The following DHRS7B variants were observed in gnomAD, a reference collection of about 807,000 sequenced individuals.
DHRS7B encodes the protein dehydrogenase/reductase 7B.
Under a neutral mutation model 26.4 loss-of-function variants are expected in DHRS7B, and 24 were observed. That is an observed-to-expected ratio of 0.91 (90% CI 0.66 to 1.28). The LOEUF (loss-of-function observed/expected upper bound fraction) is 1.28, where lower values mean the gene tolerates loss of function less well. DHRS7B is among the 50% of genes most tolerant of loss of function. The pLI is 0.00. For missense variants in DHRS7B, 368 were observed against 419.4 expected (o/e 0.88, Z 1.07); for synonymous variants, 142 against 166.4 (o/e 0.85, Z 1.13).
intron 1 of DHRS7B, among the ~76,000 whole-genome samples, chr17:21,131,006 G>C (rs1377209300): frequency 6.6e-6 from 1 of 152,126 alleles, no homozygotes; most frequent in Non-Finnish European, 1.5e-5. Context: ...ATCTTCTAAA[G>C]TTCCCAGTAA....
intron 1 of DHRS7B, among the ~76,000 whole-genome samples, chr17:21,167,746 C>A (rs1483388335): frequency 3.3e-5 from 5 of 152,152 alleles, no homozygotes; most frequent in Non-Finnish European, 7.3e-5. Flanking sequence ...GATATTTTTT[C>A]CCAGTCCCTT....
Position 21,191,199 on chromosome 17 carries a change from CT to C in DHRS7B, c.*48del. On this transcript the variant is annotated 3_prime_UTR_variant, in exon 7 of 7. Coordinates refer to ENST00000395511, the MANE Select transcript of DHRS7B (RefSeq NM_015510.5). ...AGGGCAGAGAAGCAGCACTCTTAGG[CT>C]TGCTTACTCTACAAGGGACAGTTGC... 1 of 1,577,574 alleles carries C rather than the reference CT, an allele frequency of 6.3e-7. No individual in the cohort carries two copies. Among genetic ancestry groups the C allele is most frequent in the Non-Finnish European group, 8.7e-7 (1 of 1,149,356 alleles).
intron 1 of DHRS7B, among the ~76,000 whole-genome samples, chr17:21,154,941 AG>A (rs1973846936): frequency 6.6e-6 from 1 of 152,164 alleles, no homozygotes; most frequent in South Asian, 2.1e-4. Context: ...TGTAAACTCT[AG>A]GGCAACCACT....
intron 1 of DHRS7B, among the ~76,000 whole-genome samples, chr17:21,138,097 TATATAC>T (rs1567616105): frequency 2.7e-4 from 24 of 87,604 alleles, no homozygotes; most frequent in Admixed American, 6.7e-4. Context: ...TATATATATA[TATATAC>T]ACACACACAC....
chr17:21,187,114 A>ATATATATATATAT (rs1567631166), intron 5 of DHRS7B, among the ~76,000 whole-genome samples: 1 of 100,248 alleles, frequency 1.0e-5, no homozygotes, highest in African/African-American at 4.8e-5. Context: ...TATATATATA[A>ATATATATATATAT]AATATATAAA....
intron 1 of DHRS7B, among the ~76,000 whole-genome samples, chr17:21,165,916 CAAAA>C (rs11346854): frequency 8.4e-6 from 1 of 119,450 alleles, no homozygotes; most frequent in Admixed American, 8.8e-5. Context: ...ACTCCGTCTC[CAAAA>C]AAAAAAAAAA....
intron 2 of DHRS7B, among the ~76,000 whole-genome samples, chr17:21,177,048 C>A (rs1974395250): frequency 6.6e-6 from 1 of 152,134 alleles, no homozygotes; most frequent in Admixed American, 6.5e-5. Flanking sequence ...CCCCAGTTCT[C>A]ATGGTTTACC....
intron 1 of DHRS7B, among the ~76,000 whole-genome samples, chr17:21,140,479 T>TACACACACACACACACACACACAC (rs4020775): frequency 2.4e-5 from 2 of 83,628 alleles, no homozygotes; most frequent in African/African-American, 5.2e-5. Flanking sequence ...GCCTTTTAAA[T>TACACACACACACACACACACACAC]ACACACACAC....
At chr17:21,146,593 G>A (rs776905103) in intron 1 of DHRS7B, among the ~76,000 whole-genome samples, 1 of 152,152 alleles carries the variant, frequency 6.6e-6, no homozygotes, top group African/African-American at 2.4e-5. Context: ...TCCAACAATA[G>A]TTTGCTATAT....
chr17:21,166,314 G>A, intron 1 of DHRS7B: 2 of 985,412 alleles, frequency 2.0e-6, no homozygotes, highest in Non-Finnish European at 2.4e-6. Flanking sequence ...GCTGAAGGCT[G>A]GCTTCTGAAA....
intron 1 of DHRS7B, among the ~76,000 whole-genome samples, chr17:21,132,542 A>AAC (rs1555535767): frequency 2.5e-4 from 37 of 147,126 alleles, no homozygotes; most frequent in African/African-American, 9.3e-4. Context: ...AAAAAAAAAA[A>AAC]AAAAAAACAA....
chr17:21,147,914 G>A (rs1382528653), intron 1 of DHRS7B, among the ~76,000 whole-genome samples: 1 of 152,096 alleles, frequency 6.6e-6, no homozygotes, highest in Admixed American at 6.5e-5. Flanking sequence ...CACAGTGTGG[G>A]AGGATCAAGA....
chr17:21,159,444 A>G lies in DHRS7B; in HGVS notation c.21-12574A>G, dbSNP rs191319075. ...TTTTTTTTTTGTATTTTTAGTAGAG[A>G]CGGGGTTTCACTGTGTTGGTCAGGA... On this transcript the variant is annotated intron_variant, in intron 1 of 6. Transcript: ENST00000395511. Among the ~76,000 whole-genome samples the G allele has an allele frequency of 2.3e-3, 351 of 150,146 alleles. 1 individual carries two copies. Among genetic ancestry groups the G allele is most frequent in the Non-Finnish European group, 4.0e-3 (268 of 67,632 alleles).
intron 1 of DHRS7B, among the ~76,000 whole-genome samples, chr17:21,144,732 C>T (rs140505784): frequency 3.3e-5 from 5 of 152,188 alleles, no homozygotes; most frequent in East Asian, 1.9e-4. Context: ...GCAGAGGAAC[C>T]GCTTGAACCC....
chr17:21,171,443 A>AATC (rs986316960), intron 1 of DHRS7B, among the ~76,000 whole-genome samples: 3 of 152,304 alleles, frequency 2.0e-5, no homozygotes, highest in Admixed American at 1.3e-4. Flanking sequence ...CCCTGCACTG[A>AATC]ATCCCCTTTG....
At chr17:21,151,630 C>T (rs1392515747) in intron 1 of DHRS7B, among the ~76,000 whole-genome samples, 4 of 152,036 alleles carry the variant, frequency 2.6e-5, no homozygotes, top group Non-Finnish European at 5.9e-5. Flanking sequence ...CACACAGTTG[C>T]CCCCAAAATA....
Position 21,178,265 on chromosome 17 carries a change from A to C in DHRS7B, c.232A>C (p.Lys78Gln), listed in dbSNP as rs1974428565. 1.9e-6 allele frequency: 3 copies of C among 1,614,118 alleles called. No individual in the cohort carries two copies. The change falls in exon 3 of 7, where the codon AAA (lysine) becomes CAA (glutamine). Residue 78 changes from lysine to glutamine, a missense_variant. Physicochemically the swap from Lys to Gln is moderately conservative, Grantham distance 53. Transcript: ENST00000395511. The part of the protein sequence containing the change: ...CAKVFYAAGA[K>Q]LVLCGRNGGA... ...AAAAGTCTTCTATGCTGCGGGTGCT[A>C]AACTGGTGCTCTGTGGCCGGAATGG...
intron 1 of DHRS7B, among the ~76,000 whole-genome samples, chr17:21,170,334 G>A (rs981787327): frequency 5.9e-5 from 9 of 152,106 alleles, no homozygotes; most frequent in Non-Finnish European, 1.0e-4. Flanking sequence ...CCACACAAAG[G>A]GTCCTTGGGA....
chr17:21,140,477 A>AACACAC (rs1486289182), intron 1 of DHRS7B, among the ~76,000 whole-genome samples: 1 of 50,734 alleles, frequency 2.0e-5, no homozygotes, highest in Admixed American at 2.3e-4. Flanking sequence ...AGGCCTTTTA[A>AACACAC]ATACACACAC....
Sources: allele counts gnomAD v4.1 joint callset (sites outside exome capture counted in the v4.1 genomes callset), GRCh38; gene constraint gnomAD v4.1.1; transcripts MANE v1.5; gene names NCBI Gene and HGNC (gene_info 2026-07-23, HGNC 2026-07-21).